The following SLC4A4 variants were observed in gnomAD, a reference collection of about 807,000 sequenced individuals.
The protein encoded by SLC4A4 is solute carrier family 4 member 4.
SLC4A4 carries 27 observed loss-of-function variants against 111.5 expected under a neutral mutation model. The ratio of observed to expected loss-of-function variants is 0.24; its 90% CI spans 0.18 to 0.33. The LOEUF is 0.33. Ranked by LOEUF, SLC4A4 falls within the 10% of genes least tolerant of loss-of-function variation. The pLI, the probability that SLC4A4 is intolerant of heterozygous loss-of-function variation, is 1.00. For missense variants in SLC4A4, 909 were observed against 1,315.5 expected (o/e 0.69, Z 4.78); for synonymous variants, 443 against 463.4 (o/e 0.96, Z 0.57).
chr4:71,291,836 C>T (rs921464960), intron 3 of SLC4A4, among the ~76,000 whole-genome samples: 2 of 152,132 alleles, frequency 1.3e-5, no homozygotes, highest in Non-Finnish European at 2.9e-5. Context: ...ACTTTATTAT[C>T]AAATTGTGAA....
At chr4:71,346,810 G>A (rs2148898500) in intron 4 of SLC4A4, among the ~76,000 whole-genome samples, 1 of 152,268 alleles carries the variant, frequency 6.6e-6, no homozygotes, top group South Asian at 2.1e-4. Flanking sequence ...TTTGTTGGAA[G>A]TATAATCAGT....
At chr4:71,363,884 C>T (rs984556152) in intron 6 of SLC4A4, among the ~76,000 whole-genome samples, 1 of 152,178 alleles carries the variant, frequency 6.6e-6, no homozygotes, top group African/African-American at 2.4e-5. Context: ...GAATGAAATC[C>T]TCTTCCTTAA....
rs1223998047 is a variant in SLC4A4, at chr4:71,089,195, A to G, written c.-64-3535A>G. On this transcript the variant is annotated intron_variant, in intron 1 of 26. Transcript: ENST00000649996. ...CTTTCTTCCAGGTGATCGATCGGCT[A>G]CTGAGGGTTGTGCATTCGTCACATA... 2.6e-5 allele frequency among the ~76,000 whole-genome samples: 4 copies of G among 151,952 alleles called. No individual in the cohort carries two copies. The South Asian group carries it at 8.3e-4, about 32-fold the overall frequency.
At chr4:71,181,088 C>G (rs986783557) in intron 2 of SLC4A4, among the ~76,000 whole-genome samples, 1 of 151,644 alleles carries the variant, frequency 6.6e-6, no homozygotes, top group Non-Finnish European at 1.5e-5. Flanking sequence ...AGCCGGAAAC[C>G]ATCACTCTCA....
chr4:71,385,175 A>G (rs1269891957), intron 6 of SLC4A4, among the ~76,000 whole-genome samples: 2 of 14,484 alleles, frequency 1.4e-4, no homozygotes, highest in African/African-American at 2.3e-4. Flanking sequence ...TTAGATTTAT[A>G]TATATATATA....
rs76951869 is a variant in SLC4A4, at chr4:71,512,172, G to A, written c.2166+14480G>A. On this transcript the variant is annotated intron_variant, in intron 16 of 25. Coordinates refer to ENST00000264485, the MANE Select transcript of SLC4A4 (RefSeq NM_001098484.3). ...GTTTGCTGGATCAAGTGGCAATTCT[G>A]TTTTGAGGTTTTTGGGAAATCTCAA... 9.5e-3 allele frequency among the ~76,000 whole-genome samples: 1,441 copies of A among 152,158 alleles called. 22 individuals carry two copies. Among genetic ancestry groups the A allele is most frequent in the African/African-American group, 0.032 (1,322 of 41,512 alleles).
At chr4:71,157,218 A>C (rs2148975637) in intron 2 of SLC4A4, among the ~76,000 whole-genome samples, 1 of 152,306 alleles carries the variant, frequency 6.6e-6, no homozygotes, top group African/African-American at 2.4e-5. Flanking sequence ...GAAAAAGGAA[A>C]TTGGAATAAT....
At chr4:71,417,766 T>G (rs2149012313) in intron 7 of SLC4A4, among the ~76,000 whole-genome samples, 1 of 152,336 alleles carries the variant, frequency 6.6e-6, no homozygotes. Flanking sequence ...TAACACTGTT[T>G]TGCTGTATAA....
chr4:71,472,667 G>A (rs773290243), intron 13 of SLC4A4, 32 bp from the exon 14 acceptor site: 5 of 1,605,678 alleles, frequency 3.1e-6, no homozygotes, highest in Non-Finnish European at 4.3e-6. Context: ...CCAAGGAGGA[G>A]GAATCTAAAC....
rs576533936 is a variant in SLC4A4, at chr4:71,355,480, C to A, written c.551-1528C>A. On this transcript the variant is annotated intron_variant, in intron 5 of 25. Coordinates refer to ENST00000264485, the MANE Select transcript of SLC4A4 (RefSeq NM_001098484.3). ...AGTGGGGTTTGTGTAGTTTAAAATA[C>A]TCAGAGCTAAAAACCACTCTAAACC... is the stretch of plus-strand genomic sequence containing the variant. 3.0e-4 allele frequency among the ~76,000 whole-genome samples: 45 copies of A among 152,296 alleles called. 1 individual carries two copies. The South Asian group carries it at 5.4e-3, about 18-fold the overall frequency.
At position 71,238,547 on chromosome 4, in the gene SLC4A4, A is replaced by C. The variant is rs142628811; in HGVS notation, c.73+1898A>C. The stretch of plus-strand genomic sequence containing the variant: ...GTTTTCCTGTTTTTATGAGACCTCT[A>C]TTTTAGTGACTGTCTTTCATGTTGA... On this transcript the variant is annotated intron_variant, in intron 2 of 25. Transcript: ENST00000264485. 7.2e-4 allele frequency among the ~76,000 whole-genome samples: 110 copies of C among 152,240 alleles called. 1 individual carries two copies. The highest frequency in any genetic ancestry group is 2.6e-3 in the African/African-American group (108 of 41,544).
chr4:71,187,576 G>A (rs1008596782), intron 1 of SLC4A4, among the ~76,000 whole-genome samples, 175 bp downstream of exon 1: 7 of 152,206 alleles, frequency 4.6e-5, no homozygotes, highest in Admixed American at 6.5e-5. Flanking sequence ...CTGGGCGCGG[G>A]CGGTGTGTGG....
At chr4:71,272,099 G>A (rs546016143) in intron 3 of SLC4A4, among the ~76,000 whole-genome samples, 1 of 152,260 alleles carries the variant, frequency 6.6e-6, no homozygotes, top group South Asian at 2.1e-4. Context: ...TTAACTAAAT[G>A]CAAGTATATA....
At chr4:71,242,060 A>G (rs1720285162) in intron 2 of SLC4A4, among the ~76,000 whole-genome samples, 1 of 152,204 alleles carries the variant, frequency 6.6e-6, no homozygotes, top group South Asian at 2.1e-4. Context: ...TGTTTTTGAA[A>G]CTAGAATCAG....
At chr4:71,230,020 C>T (rs1348886250) in intron 1 of SLC4A4, among the ~76,000 whole-genome samples, 1 of 151,572 alleles carries the variant, frequency 6.6e-6, no homozygotes, top group Non-Finnish European at 1.5e-5. Flanking sequence ...ATGTGCAGAG[C>T]AGATTTTACA....
intron 16 of SLC4A4, among the ~76,000 whole-genome samples, chr4:71,498,985 G>T (rs115187614): frequency 0.031 from 4,737 of 152,202 alleles, 118 homozygotes; most frequent in Non-Finnish European, 0.044. Context: ...TGTTCTTAAA[G>T]ACACTGGGAA....
intron 7 of SLC4A4, 76 bp downstream of exon 7, chr4:71,397,729 G>A (rs1719958199): frequency 2.3e-6 from 3 of 1,307,348 alleles, no homozygotes; most frequent in South Asian, 2.4e-5. Flanking sequence ...GATTAGAGGT[G>A]ATGGTTGCTT....
chr4:71,295,245 C>G (rs1191046422), intron 3 of SLC4A4, among the ~76,000 whole-genome samples: 1 of 152,112 alleles, frequency 6.6e-6, no homozygotes, highest in Non-Finnish European at 1.5e-5. Flanking sequence ...GATACTCTAA[C>G]TCACAGGAAC....
At chr4:71,162,000 A>T (rs1000808259) in intron 2 of SLC4A4, among the ~76,000 whole-genome samples, 4 of 152,204 alleles carry the variant, frequency 2.6e-5, no homozygotes, top group Admixed American at 1.3e-4. Context: ...TTCCATAGGA[A>T]ATAATGAGTT....
Sources: allele counts gnomAD v4.1 joint callset (sites outside exome capture counted in the v4.1 genomes callset), GRCh38; gene constraint gnomAD v4.1.1; transcripts MANE v1.5; gene names NCBI Gene and HGNC (gene_info 2026-07-23, HGNC 2026-07-21).